CFAP251: variants seen among roughly 807,000 people sequenced by gnomAD.
The protein encoded by CFAP251 is cilia- and flagella-associated protein 251.
CFAP251 carries 93 observed loss-of-function variants against 126.7 expected under a neutral mutation model. That is an observed-to-expected ratio of 0.73 (90% confidence interval 0.62 to 0.87). The LOEUF (loss-of-function observed/expected upper bound fraction) is 0.87, where lower values mean the gene tolerates loss of function less well. Ranked by LOEUF, CFAP251 falls within the 40% of genes least tolerant of loss-of-function variation. The pLI is 0.00. For missense variants in CFAP251, 1,287 were observed against 1,389.2 expected, an observed-to-expected ratio of 0.93 and a Z score of 1.17; for synonymous variants, 503 against 506.9, an observed-to-expected ratio of 0.99 and a Z score of 0.10.
chr12:121,926,990 TCA>T (rs1443152925), intron 3 of CFAP251, among the ~76,000 whole-genome samples: 1 of 152,092 alleles, frequency 6.6e-6, no homozygotes, highest in Non-Finnish European at 1.5e-5. Context: ...TGTAAAAAAT[TCA>T]GACAACTTAT....
chr12:121,939,016 A>T (rs527842361), intron 5 of CFAP251, among the ~76,000 whole-genome samples: 2 of 151,854 alleles, frequency 1.3e-5, no homozygotes, highest in African/African-American at 4.8e-5. Context: ...AAACTGATAC[A>T]TTTTCATGGA....
intron 11 of CFAP251, 31 bp from the exon 12 acceptor site, chr12:121,958,241 T>G: frequency 1.3e-6 from 2 of 1,590,020 alleles, no homozygotes; most frequent in Non-Finnish European, 1.7e-6. Flanking sequence ...CTGCAAACAC[T>G]GATATTGTTT....
intron 19 of CFAP251, among the ~76,000 whole-genome samples, chr12:121,983,352 C>T (rs530772005): frequency 2.8e-4 from 21 of 73,758 alleles, no homozygotes; most frequent in Non-Finnish European, 1.1e-3. Context: ...TATGATCATG[C>T]CTGTGAATAG....
chr12:121,956,079 T>C (rs551916287), intron 10 of CFAP251, among the ~76,000 whole-genome samples: 108 of 152,314 alleles, frequency 7.1e-4, no homozygotes, highest in African/African-American at 2.5e-3. Flanking sequence ...TATGTCAAAG[T>C]CTTTTTTAAA....
rs748089809 is a variant in CFAP251, at chr12:121,968,151, A to C, written c.2753A>C (p.Gln918Pro). ...TAGGHDRSVV[Q>P]WKITLSVLEA... ...GGAGGGCACGATCGCTCGGTGGTGC[A>C]GTGGAAAATCACCTTAAGGTACACG... Residue 918 changes from glutamine (Q) to proline (P), a missense_variant, in exon 17 of 22, where the codon CAG becomes CCG. Gln to Pro is a moderately conservative substitution (Grantham distance 76, BLOSUM62 -1). Transcript: ENST00000288912. 1.7e-5 allele frequency: 28 copies of C among 1,607,660 alleles called. No homozygotes were observed. Among genetic ancestry groups the C allele is most frequent in the Non-Finnish European group, 2.3e-5 (27 of 1,175,204 alleles).
At chr12:121,951,867 T>C (rs541145627) in intron 9 of CFAP251, among the ~76,000 whole-genome samples, 212 of 151,880 alleles carry the variant, frequency 1.4e-3, no homozygotes, top group Admixed American at 1.9e-3. Flanking sequence ...TACAGGCGCC[T>C]GCCACCACGC....
Position 122,003,871 on chromosome 12 carries a change from A to G in CFAP251, c.*107A>G. On this transcript the variant is annotated 3_prime_UTR_variant, in exon 22 of 22. Transcript: ENST00000288912. Reference sequence around the variant, plus strand: ...TTTATGCATTTCCCTCCCCCCTCTCATCTTTAGAACATTTAGACATTAAAG... The same window carrying G: ...TTTATGCATTTCCCTCCCCCCTCTCGTCTTTAGAACATTTAGACATTAAAG... 1 of 771,090 alleles carries G rather than the reference A, an allele frequency of 1.3e-6. No homozygotes were observed. The highest frequency in any genetic ancestry group is 2.0e-6 in the Non-Finnish European group (1 of 508,736). The allele number at this position is 771,090 out of a possible 1,614,324, so 47.8% of individuals were successfully genotyped here.
chr12:121,934,359 A>AACC lies in CFAP251; in HGVS notation c.998+3_998+4insACC. 1 of 1,609,418 alleles carries AACC rather than the reference A, an allele frequency of 6.2e-7. No homozygotes were observed. The highest frequency in any genetic ancestry group is 8.5e-7 in the Non-Finnish European group (1 of 1,176,132). ...ATTATATGGGACTCCTTCACAGGGTAGGCTTTGTGTAGCCACTTCTTTTTT... is the reference window on the plus strand; with the variant it reads ...ATTATATGGGACTCCTTCACAGGGTAACCGGCTTTGTGTAGCCACTTCTTTTTT... On this transcript the variant is annotated splice_donor_region_variant and intron_variant, in intron 5 of 21. Transcript: ENST00000288912.
In CFAP251 at chr12:121,976,765, C is replaced by A. The variant is rs185067144; in HGVS notation, c.3006+1080C>A. Among the ~76,000 whole-genome samples, 213 of 152,028 alleles carry A rather than the reference C, an allele frequency of 1.4e-3. 1 individual carries two copies. The highest frequency in any genetic ancestry group is 2.1e-3 in the Non-Finnish European group (144 of 67,980). ...ATACCCATCCCCCCCAAAAAATTGC[C>A]CGGTGTGGTGGCCCATGCTTGTGGT... On this transcript the variant is annotated intron_variant, in intron 19 of 21. Coordinates refer to ENST00000288912, the MANE Select transcript of CFAP251 (RefSeq NM_144668.6).
At chr12:121,971,631 C>G in intron 17 of CFAP251, 1 of 702,820 alleles carries the variant, frequency 1.4e-6, no homozygotes, top group Non-Finnish European at 2.6e-6. Flanking sequence ...GGTCTGATGA[C>G]TGCCCAAGCA....
At chr12:121,944,918 G>A (rs1881258931) in intron 7 of CFAP251, among the ~76,000 whole-genome samples, 2 of 152,048 alleles carry the variant, frequency 1.3e-5, no homozygotes, top group South Asian at 4.1e-4. Context: ...GAGTAGCTGG[G>A]ACTACAGGTG....
chr12:121,953,586 T>A (rs1420325010), intron 9 of CFAP251: 1 of 152,618 alleles, frequency 6.6e-6, no homozygotes, highest in African/African-American at 2.4e-5. Context: ...CTAATCATTA[T>A]TTTACTATTC....
rs750144765 is a variant in CFAP251, at chr12:122,001,596, A to G, written c.3335A>G (p.Lys1112Arg). Residue 1112 changes from lysine to arginine, a missense_variant and splice_region_variant, in exon 21 of 22, where the codon AAA (lysine) becomes AGA (arginine). Physicochemically the swap from Lys to Arg is conservative, Grantham distance 26. Transcript: ENST00000288912. ...TCCGAGCCTGCAACCTGCTCCGTCA[A>G]AGGTACCCCAGCTGGCTTTGTCTGG... ...WKSEPATCSVKGSEICLEEEL... is the reference protein window; with the variant it reads ...WKSEPATCSVRGSEICLEEEL... The G allele has an allele frequency of 6.2e-7, 1 of 1,613,870 alleles. No individual in the cohort carries two copies. Among genetic ancestry groups the G allele is most frequent in the Admixed American group, 1.7e-5 (1 of 60,012 alleles).
At chr12:121,953,980 G>A in intron 9 of CFAP251, 140 bp from the exon 10 acceptor site, 1 of 832,944 alleles carries the variant, frequency 1.2e-6, no homozygotes. Context: ...CAATTCATGG[G>A]AGACGGTTTT....
At chr12:121,924,118 G>T (rs57342224) in intron 3 of CFAP251, 128 bp downstream of exon 3, 305,683 of 1,044,062 alleles carry the variant, frequency 0.29, 37,201 homozygotes, top group East Asian at 0.46. Flanking sequence ...ATAGACTTGT[G>T]TTTTTTTTTT....
chr12:121,980,619 A>T (rs1375522330), intron 19 of CFAP251, among the ~76,000 whole-genome samples: 1 of 151,938 alleles, frequency 6.6e-6, no homozygotes, highest in African/African-American at 2.4e-5. Context: ...CAGTGCTGGG[A>T]TTCTAGGCAT....
chr12:121,962,163 G>A lies in CFAP251; in HGVS notation c.2492+1G>A. ...TTAATGCTACTACCAAAATGTGCAG[G>A]TAAGCACCCGGAGCTTCCCATTGCA... On this transcript the variant is annotated splice_donor_variant, in intron 15 of 21. Transcript: ENST00000288912. LOFTEE classifies it high-confidence loss of function. 1 of 1,612,288 alleles carries A rather than the reference G, an allele frequency of 6.2e-7. No individual in the cohort carries two copies.
chr12:121,942,374 G>T (rs1436376437), intron 5 of CFAP251, among the ~76,000 whole-genome samples, 160 bp from the exon 6 acceptor site: 1 of 152,148 alleles, frequency 6.6e-6, no homozygotes, highest in Non-Finnish European at 1.5e-5. Flanking sequence ...ATGCATCAGT[G>T]CTTCATTCCC....
chr12:121,942,769 C>A lies in CFAP251; in HGVS notation c.1110+124C>A, dbSNP rs965835970. On this transcript the variant is annotated intron_variant, in intron 6 of 21. Coordinates refer to ENST00000288912, the MANE Select transcript of CFAP251 (RefSeq NM_144668.6). ...TGTGATATTCTCAAAAGACCAGACT[C>A]CACAGCACAGAGTCTGGGCCTCTGT... is the stretch of plus-strand genomic sequence containing the variant. The A allele has an allele frequency of 2.0e-5, 25 of 1,266,090 alleles. No homozygotes were observed. The African/African-American group carries it at 3.2e-4, about 16-fold the overall frequency. 78.4% of individuals were successfully genotyped at this position (1,266,090 alleles called of 1,614,324 possible).
Sources: gnomAD v4.1 joint callset for allele counts (sites outside exome capture counted in the v4.1 genomes callset) on GRCh38, gnomAD v4.1.1 for gene constraint, MANE v1.5 for transcripts, NCBI Gene and HGNC (gene_info 2026-07-23, HGNC 2026-07-21) for gene names.